URGCP: variants seen among roughly 807,000 people sequenced by gnomAD.
The protein encoded by URGCP is upregulator of cell proliferation.
In URGCP, 13 loss-of-function variants were observed where a neutral mutation model predicts 24.6. That is an observed-to-expected ratio of 0.53 (90% CI 0.34 to 0.84). URGCP has a LOEUF of 0.84. Among genes scored for constraint, URGCP ranks in the 40% least tolerant of loss-of-function variants. The pLI, the probability that URGCP is intolerant of heterozygous loss-of-function variation, is 0.01. For synonymous variants in URGCP, 444 were observed against 487.2 expected (o/e 0.91, Z 1.17); for missense variants, 899 against 1,194.3 (o/e 0.75, Z 3.64).
At chr7:43,908,597 C>G (rs1162644044), upstream of URGCP, among the ~76,000 whole-genome samples, 1 of 152,176 alleles carries the variant, frequency 6.6e-6, no homozygotes, top group Non-Finnish European at 1.5e-5. Context: ...TTCTTGCCCT[C>G]CCTGTAAGAC....
In URGCP at chr7:43,878,149, C is replaced by A. The variant is rs1171149183; in HGVS notation, c.1314G>T (p.Val438=). ...ATACCCGCCTGCAGGGTGCCCGCAG[C>A]ACATTCCCAACGATGGCCCGGATCC... is the stretch of plus-strand genomic sequence containing the variant. ...VKRIRAIVGN[V]LRAPCRRVSV... The change falls in exon 6 of 6, where the codon GTG becomes GTT. Residue 438 remains valine (V), a synonymous_variant. Coordinates refer to ENST00000453200, the MANE Select transcript of URGCP (RefSeq NM_001077663.3). This position sits in a 1 kb window ranked among gnomAD's most constrained non-coding sequence, Gnocchi z 5.6. The A allele has an allele frequency of 6.2e-7, 1 of 1,614,148 alleles. No homozygotes were observed. The highest frequency in any genetic ancestry group is 1.3e-5 in the African/African-American group (1 of 74,950).
Position 43,877,900 on chromosome 7 carries a change from A to C in URGCP, c.1563T>G (p.Pro521=). 1.2e-6 allele frequency: 2 copies of C among 1,613,834 alleles called. No individual in the cohort carries two copies. The highest frequency in any genetic ancestry group is 1.7e-6 in the Non-Finnish European group (2 of 1,179,958). The change falls in exon 6 of 6, where the codon CCT becomes CCG. Residue 521 remains proline (P), a synonymous_variant. Transcript: ENST00000453200. Reference sequence around the variant, plus strand: ...GCCTCAGCTCAGCCCTGTGCTTCTCAGGGGGGTCCACGGCCCACTGGAGCT... The same window carrying C: ...GCCTCAGCTCAGCCCTGTGCTTCTCCGGGGGGTCCACGGCCCACTGGAGCT... ...FCQLQWAVDP[P]EKHRAELRRR...
At position 43,877,335 on chromosome 7, in the gene URGCP, TGA is replaced by T; in HGVS notation, c.2126_2127del (p.Leu709GlnfsTer28). Reference sequence around the variant, plus strand: ...GCAAACCGCAGCCCAAACATGGTGTTGAGGAGTGTGGACTTGCCCGTGCCTGG... The same window carrying T: ...GCAAACCGCAGCCCAAACATGGTGTTGGAGTGTGGACTTGCCCGTGCCTGG... ...GVPGTGKSTL[L>X]NTMFGLRFAT... On this transcript the variant is annotated frameshift_variant, in exon 6 of 6. Transcript: ENST00000453200. LOFTEE classifies it high-confidence loss of function. 1 of 1,612,794 alleles carries T rather than the reference TGA, an allele frequency of 6.2e-7. No homozygotes were observed. The highest frequency in any genetic ancestry group is 8.5e-7 in the Non-Finnish European group (1 of 1,179,992).
In URGCP at chr7:43,878,943, G is replaced by A. The variant is rs375237218; in HGVS notation, c.520C>T (p.Leu174=). The change falls in exon 6 of 6, where the codon CTG becomes TTG. Residue 174 remains leucine, a synonymous_variant. Coordinates refer to ENST00000453200, the MANE Select transcript of URGCP (RefSeq NM_001077663.3). The surrounding 1 kb of genome is among the most constrained non-coding windows in gnomAD (Gnocchi z 5.6). ...LAADIYSFSE[L]PTPDTPVNPL... ...TTCACTGGCGTATCAGGGGTGGGCA[G>A]CTCAGAAAAGGAATAAATGTCGGCA... is the stretch of plus-strand genomic sequence containing the variant. The A allele has an allele frequency of 1.2e-6, 2 of 1,614,108 alleles. No individual in the cohort carries two copies. Among genetic ancestry groups the A allele is most frequent in the Non-Finnish European group, 1.7e-6 (2 of 1,180,054 alleles).
upstream of URGCP, chr7:43,926,701 C>A (rs2095931778): frequency 2.2e-6 from 2 of 892,062 alleles, no homozygotes; most frequent in Non-Finnish European, 3.1e-6. Context: ...CAGCCTCCCG[C>A]GCAGCCTGAA....
chr7:43,881,820 T>C lies in URGCP; in HGVS notation c.163+87A>G, dbSNP rs897637504. 1.0e-5 allele frequency: 16 copies of C among 1,605,828 alleles called. No individual in the cohort carries two copies. In the African/African-American group the frequency reaches 2.1e-4, roughly 22 times the overall value. ...CCAAGATGGCAACTTCTCCCAATTG[T>C]TCTAAATATAAAATCCCGGTTATCT... On this transcript the variant is annotated intron_variant, in intron 4 of 5. Transcript: ENST00000453200.
rs770202738 is a variant in URGCP, at chr7:43,877,886, G to A, written c.1577C>T (p.Ala526Val). 4.5e-5 allele frequency: 73 copies of A among 1,613,784 alleles called. 2 individuals carry two copies. The South Asian group carries it at 7.9e-4, about 17-fold the overall frequency. Reference protein sequence around the residue: ...WAVDPPEKHRAELRRRLLELR... With the variant: ...WAVDPPEKHRVELRRRLLELR... ...TTCTAGCAGCCGCCGCCTCAGCTCA[G>A]CCCTGTGCTTCTCAGGGGGGTCCAC... The change falls in exon 6 of 6, where the codon GCT becomes GTT. Residue 526 changes from alanine (A) to valine (V), a missense_variant. Physicochemically the swap from Ala to Val is moderately conservative, Grantham distance 64 (BLOSUM62 0). Transcript: ENST00000453200.
intron 3 of URGCP, among the ~76,000 whole-genome samples, chr7:43,882,454 A>C (rs2132656772): frequency 6.6e-6 from 1 of 152,278 alleles, no homozygotes; most frequent in African/African-American, 2.4e-5. Context: ...TCTCAAAAAC[A>C]AACGAACAAA....
At chr7:43,906,671 G>A, upstream of URGCP, 4 of 1,099,178 alleles carry the variant, frequency 3.6e-6, no homozygotes, top group Middle Eastern at 4.0e-4. Context: ...CCGCCCGCCC[G>A]CTCCGGGACG....
At chr7:43,919,499 C>T (rs1339693945) in intron 1 of URGCP, 1 of 1,214,658 alleles carries the variant, frequency 8.2e-7, no homozygotes, top group African/African-American at 1.5e-5. Flanking sequence ...CATGGCTCCA[C>T]TTTCTCATGA....
Position 43,877,292 on chromosome 7 carries a change from C to T in URGCP, c.2171G>A (p.Gly724Asp), listed in dbSNP as rs757597672. 6.2e-7 allele frequency: 1 copy of T among 1,613,634 alleles called. No individual in the cohort carries two copies. Among genetic ancestry groups the T allele is most frequent in the Non-Finnish European group, 8.5e-7 (1 of 1,180,030 alleles). ...GLRFATGKSC[G>D]PRGAFMQLIT... ...GAGCTGCATGAAGGCCCCTCGAGGA[C>T]CGCAGCTCTTCCCTGTGGCAAACCG... Residue 724 changes from glycine (G) to aspartate (D), a missense_variant, in exon 6 of 6, where the codon GGT (glycine) becomes GAT (aspartate). Physicochemically the swap from Gly to Asp is moderately conservative, Grantham distance 94. Coordinates refer to ENST00000453200, the MANE Select transcript of URGCP (RefSeq NM_001077663.3).
chr7:43,884,691 G>T lies in URGCP; in HGVS notation c.112+2724C>A, dbSNP rs57455689. Among the ~76,000 whole-genome samples the T allele has an allele frequency of 7.5e-3, 1,143 of 152,174 alleles. 25 individuals carry two copies. The highest frequency in any genetic ancestry group is 0.025 in the African/African-American group (1,037 of 41,506). ...CAAAAAGTTTTTTAAAAAATTAGTCGGGTGCAGTGGCTCACACCTGTAGTC... is the reference window on the plus strand; with the variant it reads ...CAAAAAGTTTTTTAAAAAATTAGTCTGGTGCAGTGGCTCACACCTGTAGTC... On this transcript the variant is annotated intron_variant, in intron 3 of 5. Transcript: ENST00000453200.
chr7:43,924,986 T>C (rs911376686), intron 1 of URGCP, among the ~76,000 whole-genome samples: 2 of 152,110 alleles, frequency 1.3e-5, no homozygotes, highest in African/African-American at 2.4e-5. Context: ...CTAGAACTCC[T>C]GGACTAAGGG....
At chr7:43,910,253 T>C (rs778064058), upstream of URGCP, among the ~76,000 whole-genome samples, 8 of 152,182 alleles carry the variant, frequency 5.3e-5, 1 homozygote, top group Admixed American at 3.9e-4. Flanking sequence ...TCTCACTCTG[T>C]TGCCCAGGCT....
Position 43,877,601 on chromosome 7 carries a change from C to T in URGCP, c.1862G>A (p.Gly621Glu). 1 of 1,614,218 alleles carries T rather than the reference C, an allele frequency of 6.2e-7. No individual in the cohort carries two copies. The highest frequency in any genetic ancestry group is 8.5e-7 in the Non-Finnish European group (1 of 1,180,046). ...LGVEHFLREM[G>E]QFYEAESCLV... The stretch of plus-strand genomic sequence containing the variant: ...ACAGCTCTCAGCCTCATAAAACTGT[C>T]CCATCTCCCGCAAGAAGTGTTCCAC... Residue 621 changes from glycine to glutamate, a missense_variant, in exon 6 of 6, where the codon GGA becomes GAA. Physicochemically the swap from Gly to Glu is moderately conservative, Grantham distance 98 (BLOSUM62 -2). Coordinates refer to ENST00000453200, the MANE Select transcript of URGCP (RefSeq NM_001077663.3).
intron 1 of URGCP, among the ~76,000 whole-genome samples, chr7:43,924,145 C>T (rs2095925867): frequency 6.6e-6 from 1 of 152,176 alleles, no homozygotes; most frequent in Non-Finnish European, 1.5e-5. Context: ...GCTGCGATTA[C>T]AGGCATAAGC....
At chr7:43,883,354 A>ATG (rs1281395529) in intron 3 of URGCP, among the ~76,000 whole-genome samples, 68 of 97,646 alleles carry the variant, frequency 7.0e-4, no homozygotes, top group African/African-American at 4.0e-3. Context: ...ATATATATAT[A>ATG]TATATATATT....
At chr7:43,882,447 C>A in intron 3 of URGCP, among the ~76,000 whole-genome samples, 1 of 152,066 alleles carries the variant, frequency 6.6e-6, no homozygotes, top group African/African-American at 2.4e-5. Flanking sequence ...GAGGCTATCT[C>A]AAAAACAAAC....
chr7:43,885,312 G>C (rs987619091), intron 3 of URGCP, among the ~76,000 whole-genome samples: 3 of 151,998 alleles, frequency 2.0e-5, no homozygotes, highest in African/African-American at 7.2e-5. Context: ...CATTGGTCAG[G>C]CTAGTCTCAA....
Sources: allele counts gnomAD v4.1 joint callset (sites outside exome capture counted in the v4.1 genomes callset), GRCh38; gene constraint gnomAD v4.1.1; non-coding constraint Gnocchi (gnomAD v3.1); transcripts MANE v1.5; gene names NCBI Gene and HGNC (gene_info 2026-07-23, HGNC 2026-07-21).